ASIC2: variants seen among roughly 807,000 people sequenced by gnomAD.
ASIC2 encodes the protein acid sensing ion channel subunit 2, also known as acid-sensing ion channel 2.
A neutral mutation model predicts 57.3 loss-of-function variants in ASIC2; 25 were observed. That is an observed-to-expected ratio of 0.44 (90% CI 0.32 to 0.61). ASIC2 has a LOEUF of 0.61. Among genes scored for constraint, ASIC2 ranks in the 20% least tolerant of loss-of-function variants. The pLI is 0.06. For synonymous variants in ASIC2, 319 were observed against 307.5 expected (o/e 1.04, Z -0.39); for missense variants, 641 against 738.1 (o/e 0.87, Z 1.52).
At chr17:33,599,660 G>A (rs1384568017) in intron 1 of ASIC2, among the ~76,000 whole-genome samples, 1 of 152,208 alleles carries the variant, frequency 6.6e-6, no homozygotes, top group South Asian at 2.1e-4. Flanking sequence ...GGCCAGTGTG[G>A]CTCCAAACCC....
intron 1 of ASIC2, among the ~76,000 whole-genome samples, chr17:33,197,440 C>A (rs1024930764): frequency 1.3e-5 from 2 of 152,186 alleles, no homozygotes; most frequent in African/African-American, 4.8e-5. Context: ...TTACAGGAAG[C>A]AAGAGGACAT....
At chr17:34,093,963 T>A (rs1200313446) in intron 1 of ASIC2, among the ~76,000 whole-genome samples, 1 of 152,146 alleles carries the variant, frequency 6.6e-6, no homozygotes, top group Non-Finnish European at 1.5e-5. Flanking sequence ...AGCAGTCCCC[T>A]TTGTCTGCTC....
chr17:33,814,986 C>A (rs1912535123), intron 1 of ASIC2, among the ~76,000 whole-genome samples: 2 of 151,974 alleles, frequency 1.3e-5, no homozygotes. Context: ...CTGAGGTGAG[C>A]CTTGTTGGTA....
At chr17:33,144,115 T>G (rs1904442754) in intron 1 of ASIC2, among the ~76,000 whole-genome samples, 2 of 151,294 alleles carry the variant, frequency 1.3e-5, no homozygotes, top group Admixed American at 6.6e-5. Context: ...TCATCCAAGC[T>G]GGGCCAATCA....
At chr17:33,141,078 C>CTAGGGGCT (rs72092352) in intron 1 of ASIC2, among the ~76,000 whole-genome samples, 3,531 of 152,302 alleles carry the variant, frequency 0.023, 143 homozygotes, top group African/African-American at 0.081. Context: ...CCTCATTGGA[C>CTAGGGGCT]TAGGGGCTTT....
At chr17:33,030,884 G>A (rs558781380) in intron 3 of ASIC2, among the ~76,000 whole-genome samples, 9 of 152,110 alleles carry the variant, frequency 5.9e-5, no homozygotes, top group Non-Finnish European at 7.4e-5. Context: ...TTTATTATCC[G>A]CCTTATATGT....
chr17:33,665,267 T>A (rs909806328), intron 1 of ASIC2, among the ~76,000 whole-genome samples: 1 of 152,234 alleles, frequency 6.6e-6, no homozygotes, highest in Admixed American at 6.5e-5. Context: ...ATACAATTTA[T>A]GCATAAATGC....
intron 1 of ASIC2, among the ~76,000 whole-genome samples, chr17:33,799,419 CTTTCTTTCTTCTTTCT>C (rs1567719001): frequency 4.4e-4 from 30 of 68,822 alleles, no homozygotes; most frequent in African/African-American, 1.6e-3. Context: ...TTCTTTCTTT[CTTTCTTTCTTCTTTCT>C]TTCTTTCTTT....
At chr17:33,349,720 G>C (rs1908084477) in intron 1 of ASIC2, among the ~76,000 whole-genome samples, 1 of 152,154 alleles carries the variant, frequency 6.6e-6, no homozygotes, top group Non-Finnish European at 1.5e-5. Context: ...GATTTTTCTA[G>C]CAGGAAATAC....
At chr17:33,953,157 TAA>T (rs1904632288) in intron 1 of ASIC2, among the ~76,000 whole-genome samples, 2 of 152,196 alleles carry the variant, frequency 1.3e-5, no homozygotes, top group African/African-American at 4.8e-5. Context: ...AATAATGTGT[TAA>T]GAGTAATTAC....
chr17:33,222,469 T>C (rs1016282919), intron 1 of ASIC2, among the ~76,000 whole-genome samples: 1 of 152,218 alleles, frequency 6.6e-6, no homozygotes, highest in East Asian at 1.9e-4. Context: ...CAGGGGGTTG[T>C]TCTAAAATTC....
chr17:33,502,035 G>A (rs1914114760), intron 1 of ASIC2, among the ~76,000 whole-genome samples: 1 of 152,178 alleles, frequency 6.6e-6, no homozygotes, highest in South Asian at 2.1e-4. Context: ...CAGGCCAGAG[G>A]AGGTGGCTTC....
At chr17:33,674,375 T>C (rs1348948526) in intron 1 of ASIC2, among the ~76,000 whole-genome samples, 1 of 152,210 alleles carries the variant, frequency 6.6e-6, no homozygotes, top group East Asian at 1.9e-4. Flanking sequence ...TTCATTCCCT[T>C]GGCCCTAGGA....
At chr17:33,282,607 T>C (rs1253600778) in intron 1 of ASIC2, among the ~76,000 whole-genome samples, 1 of 152,126 alleles carries the variant, frequency 6.6e-6, no homozygotes, top group Non-Finnish European at 1.5e-5. Flanking sequence ...CCCTAGTAGC[T>C]GGGACTACAG....
intron 1 of ASIC2, among the ~76,000 whole-genome samples, chr17:33,149,458 G>A (rs1329641316): frequency 6.6e-6 from 1 of 152,146 alleles, no homozygotes; most frequent in East Asian, 1.9e-4. Context: ...CATAATGTTT[G>A]AGTGAAGTTG....
intron 1 of ASIC2, among the ~76,000 whole-genome samples, chr17:33,941,914 AC>A (rs759723820): frequency 6.6e-6 from 1 of 151,984 alleles, no homozygotes; most frequent in Non-Finnish European, 1.5e-5. Flanking sequence ...TGTTACTACC[AC>A]CCCGGGGCAA....
intron 1 of ASIC2, among the ~76,000 whole-genome samples, chr17:33,278,056 G>A (rs1904776415): frequency 1.3e-5 from 2 of 152,094 alleles, no homozygotes. Context: ...TACCCTGTTT[G>A]GAATCCTTTT....
intron 1 of ASIC2, among the ~76,000 whole-genome samples, chr17:33,537,345 C>G (rs1915265560): frequency 6.6e-6 from 1 of 152,168 alleles, no homozygotes; most frequent in Non-Finnish European, 1.5e-5. Flanking sequence ...GCTAAAATAT[C>G]ACCTCCTCCT....
At chr17:33,093,486 A>G (rs933100604) in intron 2 of ASIC2, among the ~76,000 whole-genome samples, 2 of 152,118 alleles carry the variant, frequency 1.3e-5, no homozygotes, top group African/African-American at 4.8e-5. Flanking sequence ...CATACATACT[A>G]TGTAGACAGT....
Sources: allele counts gnomAD v4.1 joint callset (sites outside exome capture counted in the v4.1 genomes callset), GRCh38; gene constraint gnomAD v4.1.1; transcripts MANE v1.5; gene names NCBI Gene and HGNC (gene_info 2026-07-23, HGNC 2026-07-21).